Variants in PPFIA2 observed in about 807,000 individuals in gnomAD.
The protein encoded by PPFIA2 is PPFI scaffold protein A2.
A neutral mutation model predicts 175.5 loss-of-function variants in PPFIA2; 46 were observed. That is an observed-to-expected ratio of 0.26 (90% CI 0.21 to 0.34). The LOEUF is 0.34. PPFIA2 is among the 10% of genes least tolerant of loss of function. The pLI is 1.00. For missense variants in PPFIA2, 1,179 were observed against 1,506.1 expected (o/e 0.78, Z 3.60); for synonymous variants, 568 against 511.4 (o/e 1.11, Z -1.49).
intron 3 of PPFIA2, among the ~76,000 whole-genome samples, chr12:81,678,664 C>T (rs1424091869): frequency 1.3e-5 from 2 of 151,764 alleles, no homozygotes; most frequent in Non-Finnish European, 2.9e-5. Flanking sequence ...AAGAGGCTAA[C>T]AAAAATTGCT....
chr12:81,365,929 T>C (rs893910492), intron 14 of PPFIA2, among the ~76,000 whole-genome samples: 3 of 151,536 alleles, frequency 2.0e-5, no homozygotes, highest in African/African-American at 7.3e-5. Flanking sequence ...CCTCTATTCT[T>C]CATCTTTTCC....
At chr12:81,607,356 G>C (rs1262108032) in intron 4 of PPFIA2, among the ~76,000 whole-genome samples, 2 of 152,054 alleles carry the variant, frequency 1.3e-5, no homozygotes, top group Non-Finnish European at 2.9e-5. Context: ...TTGTTAGTTT[G>C]ATAGAAGTAG....
At chr12:81,328,788 C>G (rs2055403316) in intron 21 of PPFIA2, among the ~76,000 whole-genome samples, 1 of 148,454 alleles carries the variant, frequency 6.7e-6, no homozygotes, top group South Asian at 2.1e-4. Flanking sequence ...GAAACTGCAG[C>G]TTGTTTCTTT....
chr12:81,365,827 G>A (rs1047781525), intron 14 of PPFIA2, among the ~76,000 whole-genome samples: 1 of 151,776 alleles, frequency 6.6e-6, no homozygotes, highest in African/African-American at 2.4e-5. Context: ...TCTTTCAGGA[G>A]ATTGTGGACA....
intron 3 of PPFIA2, among the ~76,000 whole-genome samples, chr12:81,718,910 A>C (rs1388552015): frequency 6.6e-6 from 1 of 151,596 alleles, no homozygotes; most frequent in Non-Finnish European, 1.5e-5. Flanking sequence ...AAATAGTGAT[A>C]ATAATTTCAA....
chr12:81,492,224 C>CTTT (rs3075417), intron 4 of PPFIA2, among the ~76,000 whole-genome samples: 10 of 150,880 alleles, frequency 6.6e-5, no homozygotes, highest in Non-Finnish European at 8.9e-5. Flanking sequence ...CTCAATTACT[C>CTTT]TTTTTTTTTC....
intron 16 of PPFIA2, among the ~76,000 whole-genome samples, chr12:81,354,369 A>G (rs1595435061): frequency 6.6e-6 from 1 of 152,296 alleles, no homozygotes; most frequent in East Asian, 1.9e-4. Flanking sequence ...CTTTGTTGTC[A>G]TTTTAACAAT....
At chr12:81,396,081 AAC>A (rs1367400437) in intron 8 of PPFIA2, among the ~76,000 whole-genome samples, 2 of 152,166 alleles carry the variant, frequency 1.3e-5, no homozygotes, top group East Asian at 3.9e-4. Flanking sequence ...CTACAATCTC[AAC>A]AGAGTTGAAA....
Position 81,382,735 on chromosome 12 carries a change from G to C in PPFIA2, c.984+1288C>G, listed in dbSNP as rs551275888. Reference sequence around the variant, plus strand: ...TTGCTGAGAAAATATCAAGAAAAGAGTCTGAAGTGCTAATTTTGAGATATC... The same window carrying C: ...TTGCTGAGAAAATATCAAGAAAAGACTCTGAAGTGCTAATTTTGAGATATC... On this transcript the variant is annotated intron_variant, in intron 9 of 32. Coordinates refer to ENST00000549396, the MANE Select transcript of PPFIA2 (RefSeq NM_003625.5). Among the ~76,000 whole-genome samples, 16 of 152,216 alleles carry C rather than the reference G, an allele frequency of 1.1e-4. No individual in the cohort carries two copies. The South Asian group carries it at 1.9e-3, about 18-fold the overall frequency.
At chr12:81,546,843 A>G (rs2067074833) in intron 4 of PPFIA2, among the ~76,000 whole-genome samples, 1 of 152,058 alleles carries the variant, frequency 6.6e-6, no homozygotes, top group Non-Finnish European at 1.5e-5. Flanking sequence ...TTGGCTTAGA[A>G]AGCAATGGAT....
chr12:81,592,766 C>T (rs917152009), intron 4 of PPFIA2, among the ~76,000 whole-genome samples: 10 of 151,954 alleles, frequency 6.6e-5, no homozygotes, highest in African/African-American at 1.7e-4. Flanking sequence ...AGCATGAAAA[C>T]GAACTAATAC....
At chr12:81,270,969 A>C (rs1009856722) in intron 28 of PPFIA2, 2 of 152,240 alleles carry the variant, frequency 1.3e-5, no homozygotes, top group African/African-American at 4.8e-5. Flanking sequence ...TTCCTGCCTT[A>C]AAGTTTATAT....
intron 4 of PPFIA2, among the ~76,000 whole-genome samples, chr12:81,601,529 T>C (rs1290521865): frequency 1.3e-5 from 2 of 151,916 alleles, no homozygotes; most frequent in African/African-American, 2.4e-5. Context: ...AAAAAACACA[T>C]CCCTTTAACT....
intron 7 of PPFIA2, among the ~76,000 whole-genome samples, chr12:81,428,978 A>C (rs1351468148): frequency 6.6e-6 from 1 of 152,088 alleles, no homozygotes; most frequent in Non-Finnish European, 1.5e-5. Context: ...AAGTTTAGTC[A>C]TGGCGACTTG....
At chr12:81,727,903 T>C (rs1249735717) in intron 3 of PPFIA2, among the ~76,000 whole-genome samples, 2 of 151,422 alleles carry the variant, frequency 1.3e-5, no homozygotes, top group Non-Finnish European at 3.0e-5. Context: ...AATTCATTTC[T>C]TCCATCCATG....
At chr12:81,650,753 G>T (rs1330565967) in intron 4 of PPFIA2, among the ~76,000 whole-genome samples, 1 of 152,182 alleles carries the variant, frequency 6.6e-6, no homozygotes, top group Non-Finnish European at 1.5e-5. Flanking sequence ...TATTTGGCCT[G>T]AAGCCAGAGA....
chr12:81,382,377 T>A (rs1451497310), intron 9 of PPFIA2, among the ~76,000 whole-genome samples: 1 of 152,122 alleles, frequency 6.6e-6, no homozygotes, highest in Non-Finnish European at 1.5e-5. Context: ...TGAAAAGTTT[T>A]AAGCAGAAAA....
At chr12:81,377,508 G>A (rs1464303537) in intron 9 of PPFIA2, among the ~76,000 whole-genome samples, 1 of 150,706 alleles carries the variant, frequency 6.6e-6, no homozygotes, top group Non-Finnish European at 1.5e-5. Context: ...AGCCGAGATC[G>A]CACCACTGCA....
At chr12:81,552,815 A>G (rs1047642872) in intron 4 of PPFIA2, among the ~76,000 whole-genome samples, 1 of 152,096 alleles carries the variant, frequency 6.6e-6, no homozygotes, top group African/African-American at 2.4e-5. Context: ...AGCTTTAGTC[A>G]TTTTTGATGA....
Sources: gnomAD v4.1 joint callset for allele counts (sites outside exome capture counted in the v4.1 genomes callset) on GRCh38, gnomAD v4.1.1 for gene constraint, MANE v1.5 for transcripts, NCBI Gene and HGNC (gene_info 2026-07-23, HGNC 2026-07-21) for gene names.